TOX: variants seen among roughly 807,000 people sequenced by gnomAD.
The protein encoded by TOX is thymocyte selection-associated high mobility group box protein TOX.
Under a neutral mutation model 53.7 loss-of-function variants are expected in TOX, and 11 were observed. That is an observed-to-expected ratio of 0.20 (90% confidence interval 0.13 to 0.34). The LOEUF (loss-of-function observed/expected upper bound fraction) is 0.34. TOX is among the 10% of genes least tolerant of loss of function. The pLI is 1.00. For missense variants in TOX, 570 were observed against 664.6 expected (o/e 0.86, Z 1.56); for synonymous variants, 225 against 245.3 (o/e 0.92, Z 0.77).
chr8:58,994,775 C>A (rs1272246964), intron 1 of TOX, among the ~76,000 whole-genome samples: 1 of 152,232 alleles, frequency 6.6e-6, no homozygotes, highest in Non-Finnish European at 1.5e-5. Flanking sequence ...CATTCCCACA[C>A]AGGCAACCCA....
chr8:58,951,396 TCC>T (rs1812618003), intron 2 of TOX, among the ~76,000 whole-genome samples: 1 of 152,094 alleles, frequency 6.6e-6, no homozygotes, highest in Non-Finnish European at 1.5e-5. Context: ...GACCTAAACT[TCC>T]AGGCAAGAAG....
intron 3 of TOX, among the ~76,000 whole-genome samples, chr8:58,920,888 T>A (rs1563389491): frequency 6.6e-6 from 1 of 151,636 alleles, no homozygotes; most frequent in African/African-American, 2.4e-5. Context: ...AAGAAAAAAA[T>A]TATATATATT....
intron 1 of TOX, among the ~76,000 whole-genome samples, chr8:58,987,638 G>T (rs1213366074): frequency 1.3e-5 from 2 of 152,208 alleles, no homozygotes; most frequent in East Asian, 3.8e-4. Context: ...CAGTTTTAAG[G>T]TCAACGACAT....
intron 2 of TOX, among the ~76,000 whole-genome samples, chr8:58,949,130 G>A (rs1408523785): frequency 6.6e-6 from 1 of 152,098 alleles, no homozygotes; most frequent in Non-Finnish European, 1.5e-5. Context: ...GATATATCAG[G>A]ATTAAATAAG....
intron 1 of TOX, among the ~76,000 whole-genome samples, chr8:59,006,409 G>C (rs1316638378): frequency 6.6e-6 from 1 of 152,202 alleles, no homozygotes; most frequent in Admixed American, 6.5e-5. Context: ...AGTAGCTGCT[G>C]TGCTATTGTG....
At chr8:58,998,532 T>TATATAC (rs1813617502) in intron 1 of TOX, among the ~76,000 whole-genome samples, 1 of 10,928 alleles carries the variant, frequency 9.2e-5, no homozygotes, top group Non-Finnish European at 2.3e-4. Flanking sequence ...TATATATATA[T>TATATAC]ATATATAAAT....
Position 58,950,832 on chromosome 8 carries a change from C to A in TOX, c.168+9111G>T, listed in dbSNP as rs187811622. Among the ~76,000 whole-genome samples, 17 of 151,894 alleles carry A rather than the reference C, an allele frequency of 1.1e-4. No homozygotes were observed. The South Asian group carries it at 3.5e-3, about 32-fold the overall frequency. ...AGTGTGGAGGGAAAGGACTGGGCAG[C>A]GGTGGTGCAGGCATGGCAAAAGCTG... On this transcript the variant is annotated intron_variant, in intron 2 of 8. Transcript: ENST00000361421.
intron 3 of TOX, among the ~76,000 whole-genome samples, chr8:58,895,674 A>G (rs1271489887): frequency 6.6e-6 from 1 of 152,238 alleles, no homozygotes; most frequent in Non-Finnish European, 1.5e-5. Flanking sequence ...TTGGCGTCAT[A>G]GGCTTCTGTT....
chr8:59,022,863 G>A (rs1814162029), intron 1 of TOX, among the ~76,000 whole-genome samples: 1 of 152,116 alleles, frequency 6.6e-6, no homozygotes, highest in Admixed American at 6.6e-5. Flanking sequence ...CTAGACAAAT[G>A]CTGTCTTGAA....
At chr8:58,869,071 C>CA (rs1811151917) in intron 3 of TOX, among the ~76,000 whole-genome samples, 1 of 151,480 alleles carries the variant, frequency 6.6e-6, no homozygotes, top group African/African-American at 2.4e-5. Context: ...TACTAAAATA[C>CA]AAAAAATTAG....
chr8:58,915,083 G>A (rs1409229818), intron 3 of TOX, among the ~76,000 whole-genome samples: 1 of 149,020 alleles, frequency 6.7e-6, no homozygotes, highest in Non-Finnish European at 1.5e-5. Context: ...TGCTAGCACA[G>A]CAGTCTGAGA....
chr8:58,962,510 C>G (rs10957073), intron 1 of TOX, among the ~76,000 whole-genome samples: 75,655 of 151,992 alleles, frequency 0.5, 19,618 homozygotes, highest in East Asian at 0.59. Flanking sequence ...GATGCAAACC[C>G]AGGACCCCTG....
At chr8:59,069,296 G>A (rs558869739) in intron 1 of TOX, among the ~76,000 whole-genome samples, 12 of 152,286 alleles carry the variant, frequency 7.9e-5, no homozygotes, top group Admixed American at 3.3e-4. Context: ...GGATCCCTCC[G>A]TGGATGCTGG....
At chr8:58,943,688 C>T (rs945389053) in intron 2 of TOX, among the ~76,000 whole-genome samples, 1 of 150,154 alleles carries the variant, frequency 6.7e-6, no homozygotes, top group Non-Finnish European at 1.5e-5. Flanking sequence ...TCCTATGAGT[C>T]TGGGTTCCAG....
intron 1 of TOX, among the ~76,000 whole-genome samples, chr8:59,020,004 C>T (rs1814092606): frequency 6.6e-6 from 1 of 152,158 alleles, no homozygotes; most frequent in African/African-American, 2.4e-5. Flanking sequence ...ATAGTAGGTA[C>T]TCAGCTTGTA....
intron 3 of TOX, among the ~76,000 whole-genome samples, chr8:58,924,931 A>G (rs948792455): frequency 3.3e-5 from 5 of 152,276 alleles, no homozygotes; most frequent in African/African-American, 9.6e-5. Flanking sequence ...TCACACAATC[A>G]TTAGAGAACA....
At chr8:59,082,618 T>C (rs952108757) in intron 1 of TOX, among the ~76,000 whole-genome samples, 1 of 152,162 alleles carries the variant, frequency 6.6e-6, no homozygotes, top group African/African-American at 2.4e-5. Flanking sequence ...ATAAACAAGA[T>C]ATGGACTTTG....
At position 58,888,705 on chromosome 8, in the gene TOX, A is replaced by AT. The variant is rs1201137944; in HGVS notation, c.412-36901_412-36900insA. Among the ~76,000 whole-genome samples the AT allele has an allele frequency of 5.7e-4, 86 of 152,186 alleles. 1 individual carries two copies. The highest frequency in any genetic ancestry group is 3.4e-3 in the Middle Eastern group (1 of 294). ...AGCAGAATATTAGTATAGGAATAAAAAGACTACAGAATAGAAAATCTGGAA... is the reference window on the plus strand; with the variant it reads ...AGCAGAATATTAGTATAGGAATAAAATAGACTACAGAATAGAAAATCTGGAA... On this transcript the variant is annotated intron_variant, in intron 3 of 8. Coordinates refer to ENST00000361421, the MANE Select transcript of TOX (RefSeq NM_014729.3).
intron 6 of TOX, among the ~76,000 whole-genome samples, chr8:58,821,943 C>A (rs1395080725): frequency 1.3e-5 from 2 of 152,112 alleles, no homozygotes; most frequent in South Asian, 4.1e-4. Flanking sequence ...ACTACAGACT[C>A]CTCAGTCTGA....
Sources: gnomAD v4.1 joint callset for allele counts (sites outside exome capture counted in the v4.1 genomes callset) on GRCh38, gnomAD v4.1.1 for gene constraint, MANE v1.5 for transcripts, NCBI Gene and HGNC (gene_info 2026-07-23, HGNC 2026-07-21) for gene names.